PLCE1: variants seen among roughly 807,000 people sequenced by gnomAD.
PLCE1 encodes phospholipase C epsilon 1.
A neutral mutation model predicts 242.8 loss-of-function variants in PLCE1; 119 were observed. The ratio of observed to expected loss-of-function variants is 0.49; its 90% CI spans 0.42 to 0.57. The LOEUF (loss-of-function observed/expected upper bound fraction) is 0.57. Among genes scored for constraint, PLCE1 ranks in the 20% least tolerant of loss-of-function variants. The pLI is 0.00. For synonymous variants in PLCE1, 945 were observed against 1,017.4 expected, an observed-to-expected ratio of 0.93 and a Z score of 1.35; for missense variants, 2,441 against 2,788.8, an observed-to-expected ratio of 0.88 and a Z score of 2.81.
intron 9 of PLCE1, among the ~76,000 whole-genome samples, chr10:94,253,193 G>T (rs7080472): frequency 0.45 from 67,867 of 151,964 alleles, 15,383 homozygotes; most frequent in Middle Eastern, 0.6. Context: ...AAGAAAGAAG[G>T]TTAATTGACT....
chr10:94,104,527 T>C (rs1288843167), intron 2 of PLCE1: 3 of 152,230 alleles, frequency 2.0e-5, no homozygotes, highest in Admixed American at 2.0e-4. Context: ...ATTTTGATGA[T>C]TGATTTTGTG....
rs1476668162 is a variant in PLCE1, at chr10:94,153,226, A to G, written c.1493-17954A>G. ...CTCTTCTCAGTTAGACCATACTTAA[A>G]CATGTAATATATTCATATAAAAATG... On this transcript the variant is annotated intron_variant, in intron 3 of 32. Transcript: ENST00000371380. 3.9e-5 allele frequency among the ~76,000 whole-genome samples: 6 copies of G among 152,164 alleles called. No homozygotes were observed. The South Asian group carries it at 1.2e-3, about 32-fold the overall frequency.
intron 29 of PLCE1, 141 bp downstream of exon 29, chr10:94,316,897 GT>G: frequency 2.8e-6 from 2 of 711,096 alleles, no homozygotes; most frequent in Middle Eastern, 2.9e-4. Context: ...TGGATGAACA[GT>G]TTTATTCTTC....
intron 2 of PLCE1, among the ~76,000 whole-genome samples, chr10:94,083,876 A>G (rs776902325): frequency 5.3e-5 from 8 of 152,192 alleles, no homozygotes; most frequent in Non-Finnish European, 1.2e-4. Context: ...CTTGCCTAGC[A>G]AAGACTTTCA....
intron 4 of PLCE1, among the ~76,000 whole-genome samples, chr10:94,180,406 G>A (rs1564762679): frequency 1.3e-5 from 2 of 152,140 alleles, no homozygotes; most frequent in South Asian, 2.1e-4. Context: ...AGAGCATGGG[G>A]GATAATTTAT....
chr10:94,272,189 T>C (rs2051770713), intron 18 of PLCE1, among the ~76,000 whole-genome samples: 1 of 152,238 alleles, frequency 6.6e-6, no homozygotes, highest in Non-Finnish European at 1.5e-5. Context: ...GACCAGGGCA[T>C]GTCTCAGTCC....
chr10:94,129,385 C>T (rs986954870), intron 2 of PLCE1, among the ~76,000 whole-genome samples: 4 of 152,186 alleles, frequency 2.6e-5, no homozygotes, highest in African/African-American at 9.6e-5. Flanking sequence ...CTCTGACTCT[C>T]GTAATTGTCT....
At position 94,157,246 on chromosome 10, in the gene PLCE1, G is replaced by A. The variant is rs146600370; in HGVS notation, c.1493-13934G>A. Among the ~76,000 whole-genome samples, 245 of 152,320 alleles carry A rather than the reference G, an allele frequency of 1.6e-3. 1 individual carries two copies. The highest frequency in any genetic ancestry group is 0.01 in the Middle Eastern group (3 of 294). On this transcript the variant is annotated intron_variant, in intron 3 of 32. Transcript: ENST00000371380. The stretch of plus-strand genomic sequence containing the variant: ...CTGAGTCTCCTCGTCGAGCTTCTAA[G>A]ATGAAAGGCCCCAGAATTCCCTCTT...
rs1003814801 is a variant in PLCE1, at chr10:94,131,990, C to T, written c.1207-184C>T. 9.2e-5 allele frequency among the ~76,000 whole-genome samples: 14 copies of T among 152,154 alleles called. 1 individual carries two copies. The highest frequency in any genetic ancestry group is 8.5e-4 in the Admixed American group (13 of 15,282). ...TGACCTATTTTATAACTACACAGAG[C>T]TTTTCCAAATAGATGGTGTCTGTAG... On this transcript the variant is annotated intron_variant, in intron 2 of 32. Coordinates refer to ENST00000371380, the MANE Select transcript of PLCE1 (RefSeq NM_016341.4).
At chr10:94,280,841 T>C (rs1339085818) in intron 20 of PLCE1, among the ~76,000 whole-genome samples, 1 of 152,178 alleles carries the variant, frequency 6.6e-6, no homozygotes, top group Non-Finnish European at 1.5e-5. Context: ...GAAATTTGAG[T>C]TGTCTCCAGT....
At chr10:94,236,863 T>C (rs1454307202) in intron 7 of PLCE1, among the ~76,000 whole-genome samples, 1 of 152,156 alleles carries the variant, frequency 6.6e-6, no homozygotes, top group Non-Finnish European at 1.5e-5. Flanking sequence ...TCCCTCTCTC[T>C]CTCTCTCGGC....
chr10:94,313,162 C>T (rs1251058160), intron 27 of PLCE1, 92 bp from the exon 28 acceptor site: 2 of 1,452,510 alleles, frequency 1.4e-6, no homozygotes, highest in African/African-American at 1.4e-5. Context: ...ATGTTCCTAT[C>T]CGTACTTCTA....
intron 1 of PLCE1, among the ~76,000 whole-genome samples, chr10:93,995,575 T>G (rs1171259725): frequency 6.6e-6 from 1 of 152,254 alleles, no homozygotes; most frequent in East Asian, 1.9e-4. Flanking sequence ...GGGCCAGTAT[T>G]AAATCTTAAG....
At chr10:94,226,603 A>T (rs1215373128) in intron 4 of PLCE1, among the ~76,000 whole-genome samples, 1 of 152,012 alleles carries the variant, frequency 6.6e-6, no homozygotes, top group Admixed American at 6.6e-5. Context: ...TTTTCCTTTG[A>T]TATTATGTAT....
chr10:94,106,912 T>TTC (rs771182277), intron 2 of PLCE1, among the ~76,000 whole-genome samples: 621 of 38,756 alleles, frequency 0.016, 22 homozygotes, highest in Middle Eastern at 0.062. Flanking sequence ...TGTCTCTTGT[T>TTC]TCTCTCTCTC....
At chr10:94,302,036 G>A (rs4394764) in intron 24 of PLCE1, among the ~76,000 whole-genome samples, 25,071 of 152,122 alleles carry the variant, frequency 0.16, 2,238 homozygotes, top group Middle Eastern at 0.28. Flanking sequence ...TTTCAGAGGT[G>A]TAGCAGGGTT....
Position 94,138,497 on chromosome 10 carries a change from G to A in PLCE1, c.1492+6038G>A, listed in dbSNP as rs980246454. 2.8e-5 allele frequency: 13 copies of A among 458,980 alleles called. 1 individual carries two copies. In the Middle Eastern group the frequency reaches 1.7e-3, roughly 59 times the overall value. 28.4% of individuals were successfully genotyped at this position (458,980 alleles called of 1,614,324 possible). On this transcript the variant is annotated intron_variant, in intron 3 of 32. Coordinates refer to ENST00000371380, the MANE Select transcript of PLCE1 (RefSeq NM_016341.4). ...GGCCATTTTCAAGCCAGATATGTCC[G>A]TAGTAATGGAGATGTTCCAGCCTAG...
At chr10:94,030,036 GAA>G (rs1217546293) in intron 1 of PLCE1, among the ~76,000 whole-genome samples, 1 of 152,166 alleles carries the variant, frequency 6.6e-6, no homozygotes, top group East Asian at 1.9e-4. Context: ...TATATGCCTG[GAA>G]AAGTTTTTAC....
chr10:94,324,479 T>A lies in PLCE1; in HGVS notation c.6632T>A (p.Val2211Asp). 1 of 1,614,108 alleles carries A rather than the reference T, an allele frequency of 6.2e-7. No homozygotes were observed. Among genetic ancestry groups the A allele is most frequent in the Non-Finnish European group, 8.5e-7 (1 of 1,180,008 alleles). The change falls in exon 31 of 33, where the codon GTC becomes GAC. Residue 2211 changes from valine (V) to aspartate (D), a missense_variant. Around this residue, in one of 5 missense-constraint regions of PLCE1, gnomAD observed 310 missense variants for 317.2 expected, o/e 0.98. Transcript: ENST00000371380. Reference sequence around the variant, plus strand: ...ACCACACCAAAGTCCTCTCAGCGGGTCCTTCTGGATCAGGAGTGTGTGTTT... The same window carrying A: ...ACCACACCAAAGTCCTCTCAGCGGGACCTTCTGGATCAGGAGTGTGTGTTT... ...KTTTPKSSQR[V>D]LLDQECVFQA...
Sources: allele counts gnomAD v4.1 joint callset (sites outside exome capture counted in the v4.1 genomes callset), GRCh38; gene constraint gnomAD v4.1.1; regional missense constraint gnomAD v4.1.1; transcripts MANE v1.5; gene names NCBI Gene and HGNC (gene_info 2026-07-23, HGNC 2026-07-21).